Variants in ADGRG6 observed in about 807,000 individuals in gnomAD.
The protein encoded by ADGRG6 is G-protein coupled receptor 126.
A neutral mutation model predicts 142.4 loss-of-function variants in ADGRG6; 84 were observed. The observed-to-expected ratio is 0.59, with a 90% confidence interval of 0.49 to 0.71. The LOEUF (loss-of-function observed/expected upper bound fraction) is 0.71, where lower values mean the gene tolerates loss of function less well. Ranked by LOEUF, ADGRG6 falls within the 30% of genes least tolerant of loss-of-function variation. ADGRG6 has a pLI of 0.00. For missense variants in ADGRG6, 1,367 were observed against 1,466.6 expected (o/e 0.93, Z 1.11); for synonymous variants, 521 against 520.5 (o/e 1.00, Z -0.01).
chr6:142,303,894 G>A (rs185081245), intron 1 of ADGRG6, among the ~76,000 whole-genome samples: 91 of 152,106 alleles, frequency 6.0e-4, no homozygotes, highest in Admixed American at 2.7e-3. Context: ...TGAATTCTTC[G>A]TGATTAAAAA....
rs1008720435 is a variant in ADGRG6, at chr6:142,443,412, A to C, written c.3650A>C (p.His1217Pro). The C allele has an allele frequency of 1.2e-6, 2 of 1,611,228 alleles. No individual in the cohort carries two copies. The highest frequency in any genetic ancestry group is 2.2e-5 in the East Asian group (1 of 44,846). Residue 1217 changes from histidine to proline, a missense_variant, in exon 25 of 25, where the codon CAT becomes CCT. This residue lies in a region of ADGRG6 where 344 missense variants were observed against 348.7 expected (regional missense o/e 0.99). Coordinates refer to ENST00000367609, the MANE Select transcript of ADGRG6 (RefSeq NM_198569.3). The part of the protein sequence containing the change: ...DGDQTSIIPV[H>P]QVIDKVKGYC... Reference sequence around the variant, plus strand: ...GATCAAACATCAATCATCCCTGTCCATCAGGTCATTGATAAGGTCAAGGGT... The same window carrying C: ...GATCAAACATCAATCATCCCTGTCCCTCAGGTCATTGATAAGGTCAAGGGT...
chr6:142,328,175 T>G (rs962410721), intron 2 of ADGRG6, among the ~76,000 whole-genome samples: 13 of 152,174 alleles, frequency 8.5e-5, no homozygotes, highest in African/African-American at 2.7e-4. Context: ...CTATGGAGGT[T>G]TACACCTCCT....
intron 2 of ADGRG6, among the ~76,000 whole-genome samples, chr6:142,335,899 C>A (rs991648259): frequency 2.6e-5 from 4 of 151,980 alleles, no homozygotes; most frequent in African/African-American, 9.7e-5. Context: ...CCTTTGGGAG[C>A]CCCTGTAGTA....
intron 2 of ADGRG6, among the ~76,000 whole-genome samples, chr6:142,356,258 T>A (rs1345904156): frequency 6.6e-6 from 1 of 152,230 alleles, no homozygotes; most frequent in Non-Finnish European, 1.5e-5. Flanking sequence ...TTTCCTGATG[T>A]AACCACACTC....
At chr6:142,411,961 C>T (rs1776110709) in intron 18 of ADGRG6, among the ~76,000 whole-genome samples, 1 of 152,118 alleles carries the variant, frequency 6.6e-6, no homozygotes, top group Non-Finnish European at 1.5e-5. Flanking sequence ...TTCAGAGCTG[C>T]AAGAGAGATA....
At chr6:142,438,759 A>G (rs1777609215) in intron 24 of ADGRG6, among the ~76,000 whole-genome samples, 1 of 152,192 alleles carries the variant, frequency 6.6e-6, no homozygotes, top group Non-Finnish European at 1.5e-5. Context: ...AAGAAACAAT[A>G]TCTAGGATGT....
At chr6:142,342,998 T>C (rs1286016225) in intron 2 of ADGRG6, among the ~76,000 whole-genome samples, 2 of 151,780 alleles carry the variant, frequency 1.3e-5, no homozygotes, top group Non-Finnish European at 2.9e-5. Flanking sequence ...TAAAACTGGG[T>C]AAAAGTTTTA....
chr6:142,412,406 T>G (rs1776133713), intron 18 of ADGRG6, among the ~76,000 whole-genome samples: 1 of 152,136 alleles, frequency 6.6e-6, no homozygotes. Context: ...CTTGCACCCT[T>G]CTTCCTGTGG....
At chr6:142,345,456 T>G (rs1779855033) in intron 2 of ADGRG6, among the ~76,000 whole-genome samples, 1 of 152,066 alleles carries the variant, frequency 6.6e-6, no homozygotes, top group Non-Finnish European at 1.5e-5. Context: ...GTTTTTTTGT[T>G]TAGAAGTTCT....
At chr6:142,381,641 C>T (rs145940903) in intron 4 of ADGRG6, among the ~76,000 whole-genome samples, 2,126 of 152,232 alleles carry the variant, frequency 0.014, 52 homozygotes, top group African/African-American at 0.048. Context: ...GAATTCCCAC[C>T]CAAACTCTTA....
At chr6:142,378,782 G>A (rs967625454) in intron 4 of ADGRG6, among the ~76,000 whole-genome samples, 4 of 152,122 alleles carry the variant, frequency 2.6e-5, no homozygotes, top group East Asian at 1.9e-4. Flanking sequence ...AAATCCCAAT[G>A]CAAAGTTAAA....
At chr6:142,402,186 T>TA (rs1270645880) in intron 12 of ADGRG6, 128 bp downstream of exon 12, 2 of 554,124 alleles carry the variant, frequency 3.6e-6, no homozygotes, top group African/African-American at 1.9e-5. Flanking sequence ...GGCAAATGAT[T>TA]GTTTCACTTA....
chr6:142,360,116 A>ATGG (rs565312543), intron 2 of ADGRG6, among the ~76,000 whole-genome samples: 44 of 152,208 alleles, frequency 2.9e-4, no homozygotes, highest in Non-Finnish European at 6.3e-4. Flanking sequence ...ATTATTTGAG[A>ATGG]TGGTGTGGGA....
At chr6:142,367,153 C>T (rs1382414383) in intron 2 of ADGRG6, among the ~76,000 whole-genome samples, 1 of 152,130 alleles carries the variant, frequency 6.6e-6, no homozygotes, top group Non-Finnish European at 1.5e-5. Flanking sequence ...ATAACCCCCG[C>T]CACCCCAGTT....
At chr6:142,303,492 AT>A (rs1404195925) in intron 1 of ADGRG6, among the ~76,000 whole-genome samples, 3 of 152,160 alleles carry the variant, frequency 2.0e-5, no homozygotes, top group African/African-American at 7.2e-5. Flanking sequence ...TGAACCACTT[AT>A]TTTTACTGAA....
At chr6:142,391,535 G>C (rs1470270364) in intron 7 of ADGRG6, among the ~76,000 whole-genome samples, 1 of 150,174 alleles carries the variant, frequency 6.7e-6, no homozygotes, top group Non-Finnish European at 1.5e-5. Context: ...TCATTTTAAA[G>C]GCAGTACTCT....
At chr6:142,318,927 G>A (rs1465890611) in intron 2 of ADGRG6, among the ~76,000 whole-genome samples, 1 of 152,078 alleles carries the variant, frequency 6.6e-6, no homozygotes, top group African/African-American at 2.4e-5. Context: ...CCCAGCAGGG[G>A]AGATAGATAT....
At chr6:142,357,492 A>T (rs1402898379) in intron 2 of ADGRG6, among the ~76,000 whole-genome samples, 2 of 152,226 alleles carry the variant, frequency 1.3e-5, no homozygotes, top group Non-Finnish European at 2.9e-5. Context: ...TTACATAAAA[A>T]GTGTTCCATA....
intron 2 of ADGRG6, among the ~76,000 whole-genome samples, chr6:142,364,007 CT>C (rs200404780): frequency 0.082 from 11,712 of 142,976 alleles, 582 homozygotes; most frequent in East Asian, 0.25. Flanking sequence ...ATTGTGGCAA[CT>C]TTTTTTTTTT....
Sources: allele counts gnomAD v4.1 joint callset (sites outside exome capture counted in the v4.1 genomes callset), GRCh38; gene constraint gnomAD v4.1.1; regional missense constraint gnomAD v4.1.1; transcripts MANE v1.5; gene names NCBI Gene and HGNC (gene_info 2026-07-23, HGNC 2026-07-21).